Variants in DCC observed in about 807,000 individuals in gnomAD.
DCC encodes the protein netrin receptor DCC.
A neutral mutation model predicts 172.5 loss-of-function variants in DCC; 58 were observed. The ratio of observed to expected loss-of-function variants is 0.34; its 90% CI spans 0.27 to 0.42. The LOEUF (loss-of-function observed/expected upper bound fraction) is 0.42, where lower values mean the gene tolerates loss of function less well. Among genes scored for constraint, DCC ranks in the 10% least tolerant of loss-of-function variants. The pLI is 1.00. For missense variants in DCC, 1,740 were observed against 1,791.0 expected, an observed-to-expected ratio of 0.97 and a Z score of 0.51; for synonymous variants, 709 against 644.5, an observed-to-expected ratio of 1.10 and a Z score of -1.52.
intron 27 of DCC, among the ~76,000 whole-genome samples, chr18:53,517,609 T>C (rs1015042603): frequency 2.0e-5 from 3 of 152,118 alleles, no homozygotes; most frequent in Admixed American, 6.6e-5. Context: ...AAAGCCACGT[T>C]ACTTGTGACT....
intron 2 of DCC, among the ~76,000 whole-genome samples, chr18:52,872,478 A>G (rs963151827): frequency 2.0e-5 from 3 of 152,196 alleles, no homozygotes; most frequent in Admixed American, 2.0e-4. Context: ...GACAGTTTTC[A>G]GGGCTACTTC....
chr18:53,460,535 G>C (rs1004225242), intron 24 of DCC, among the ~76,000 whole-genome samples: 1 of 147,770 alleles, frequency 6.8e-6, no homozygotes, highest in Non-Finnish European at 1.5e-5. Flanking sequence ...TGTGGTGTTT[G>C]GTTTTTTGTT....
intron 2 of DCC, among the ~76,000 whole-genome samples, chr18:52,883,510 G>T (rs544775307): frequency 6.6e-6 from 1 of 151,692 alleles, no homozygotes; most frequent in South Asian, 2.1e-4. Flanking sequence ...CATGAGGCTT[G>T]CAAAGACTAT....
chr18:52,971,985 A>G (rs6508181), intron 5 of DCC, among the ~76,000 whole-genome samples: 111,928 of 152,076 alleles, frequency 0.74, 41,644 homozygotes, highest in African/African-American at 0.83. Context: ...GTCTCCTGAC[A>G]GTGAGCTCAG....
chr18:52,773,590 G>A (rs989879039), intron 2 of DCC, among the ~76,000 whole-genome samples: 1 of 151,992 alleles, frequency 6.6e-6, no homozygotes, highest in Admixed American at 6.6e-5. Flanking sequence ...ACAGTGGTGC[G>A]ATCTCGGCTC....
chr18:52,514,250 T>TAG (rs35814805), intron 1 of DCC, among the ~76,000 whole-genome samples: 1 of 151,946 alleles, frequency 6.6e-6, no homozygotes, highest in African/African-American at 2.4e-5. Flanking sequence ...TATATGTGTA[T>TAG]AGAGAGAGAG....
chr18:52,920,581 G>A (rs2040108709), intron 3 of DCC, among the ~76,000 whole-genome samples: 1 of 151,870 alleles, frequency 6.6e-6, no homozygotes, highest in Admixed American at 6.6e-5. Context: ...TTTTTTGCTG[G>A]TGGCAATGAA....
In DCC at chr18:53,215,878, A is replaced by G. The variant is rs567197004; in HGVS notation, c.1911+281A>G. Among the ~76,000 whole-genome samples the G allele has an allele frequency of 1.1e-4, 16 of 152,314 alleles. No individual in the cohort carries two copies. In the South Asian group the frequency reaches 3.3e-3, roughly 32 times the overall value. ...TTTAGTGGCCAAAGGCTATTCCATAAGGAAACAAAGACATCTGCTTCGTCT... is the reference window on the plus strand; with the variant it reads ...TTTAGTGGCCAAAGGCTATTCCATAGGGAAACAAAGACATCTGCTTCGTCT... On this transcript the variant is annotated intron_variant, in intron 12 of 28. Coordinates refer to ENST00000442544, the MANE Select transcript of DCC (RefSeq NM_005215.4).
At chr18:52,812,512 C>CTT (rs1462655393) in intron 2 of DCC, among the ~76,000 whole-genome samples, 1 of 152,126 alleles carries the variant, frequency 6.6e-6, no homozygotes, top group African/African-American at 2.4e-5. Flanking sequence ...CATCAAAGGT[C>CTT]TTAAAGGCCA....
intron 18 of DCC, 113 bp from the exon 19 acceptor site, chr18:53,402,673 A>G: frequency 2.4e-6 from 2 of 830,054 alleles, no homozygotes; most frequent in East Asian, 2.4e-5. Flanking sequence ...GGCAAAATAG[A>G]CATGATATAC....
intron 5 of DCC, among the ~76,000 whole-genome samples, chr18:52,976,490 G>A (rs2041120629): frequency 6.6e-6 from 1 of 152,082 alleles, no homozygotes; most frequent in African/African-American, 2.4e-5. Context: ...TTTAACCTTA[G>A]CTAGCTACTG....
At chr18:53,461,300 T>C (rs2045556509) in intron 24 of DCC, among the ~76,000 whole-genome samples, 1 of 151,636 alleles carries the variant, frequency 6.6e-6, no homozygotes. Context: ...ATCCCATTTG[T>C]CAATTTTGTC....
intron 21 of DCC, among the ~76,000 whole-genome samples, chr18:53,434,712 G>T (rs1480978621): frequency 6.6e-6 from 1 of 152,106 alleles, no homozygotes; most frequent in Admixed American, 6.5e-5. Flanking sequence ...AAATGTGCTG[G>T]CCCCTTGTAG....
intron 1 of DCC, among the ~76,000 whole-genome samples, chr18:52,464,583 C>G (rs551650706): frequency 6.6e-6 from 1 of 152,316 alleles, no homozygotes; most frequent in African/African-American, 2.4e-5. Context: ...TTTACACATT[C>G]AACAGGTGAA....
At chr18:52,341,156 G>A (rs77610640) in intron 1 of DCC, among the ~76,000 whole-genome samples, 2,925 of 149,880 alleles carry the variant, frequency 0.02, 99 homozygotes, top group African/African-American at 0.07. Flanking sequence ...TTGGTTTGGA[G>A]AGCCGGCGGG....
intron 1 of DCC, among the ~76,000 whole-genome samples, chr18:52,365,245 G>GC (rs1984795216): frequency 6.6e-6 from 1 of 152,206 alleles, no homozygotes; most frequent in South Asian, 2.1e-4. Flanking sequence ...ATCCTTCGCA[G>GC]TAGTGATTGA....
At chr18:52,915,231 C>T (rs890976816) in intron 3 of DCC, among the ~76,000 whole-genome samples, 8 of 152,064 alleles carry the variant, frequency 5.3e-5, no homozygotes, top group Non-Finnish European at 7.4e-5. Context: ...AAAGGAAAGC[C>T]GTAGTCATCA....
intron 1 of DCC, among the ~76,000 whole-genome samples, chr18:52,601,280 G>T (rs1320409767): frequency 6.6e-6 from 1 of 151,838 alleles, no homozygotes; most frequent in African/African-American, 2.4e-5. Flanking sequence ...TATCTAGTTT[G>T]TGATCATATC....
At chr18:52,607,535 A>G (rs894482117) in intron 1 of DCC, among the ~76,000 whole-genome samples, 5 of 152,144 alleles carry the variant, frequency 3.3e-5, no homozygotes, top group African/African-American at 1.2e-4. Flanking sequence ...CTCAAATCTG[A>G]ACCAGTGAAA....
Sources: gnomAD v4.1 joint callset for allele counts (sites outside exome capture counted in the v4.1 genomes callset) on GRCh38, gnomAD v4.1.1 for gene constraint, MANE v1.5 for transcripts, NCBI Gene and HGNC (gene_info 2026-07-23, HGNC 2026-07-21) for gene names.